Variants in CARMIL1 observed in about 807,000 individuals in gnomAD.
The protein encoded by CARMIL1 is capping protein regulator and myosin 1 linker 1.
A neutral mutation model predicts 177.1 loss-of-function variants in CARMIL1; 90 were observed. That is an observed-to-expected ratio of 0.51 (90% confidence interval 0.43 to 0.61). The LOEUF is 0.61. Ranked by LOEUF, CARMIL1 falls within the 20% of genes least tolerant of loss-of-function variation. The probability of loss-of-function intolerance (pLI) is 0.00; values close to 1 mark genes in which losing one functional copy is unlikely to be tolerated. For synonymous variants in CARMIL1, 577 were observed against 606.2 expected, an observed-to-expected ratio of 0.95 and a Z score of 0.71; for missense variants, 1,380 against 1,667.0, an observed-to-expected ratio of 0.83 and a Z score of 3.00.
rs1254529789 is a variant in CARMIL1, at chr6:25,540,004, C to A, written c.2254C>A (p.Leu752Ile). ...ATCTTGGGCGGGAGCCAGTGGCTTA[C>A]TATCCAGTCCAATTCAGGAGACCCT... is the stretch of plus-strand genomic sequence containing the variant. The part of the protein sequence containing the change: ...GASWAGASGL[L>I]SSPIQETLES... The change falls in exon 26 of 37, where the codon CTA (leucine) becomes ATA (isoleucine). Residue 752 changes from leucine (L) to isoleucine (I), a missense_variant. Transcript: ENST00000329474. 1.2e-6 allele frequency: 2 copies of A among 1,608,062 alleles called. No individual in the cohort carries two copies. Among genetic ancestry groups the A allele is most frequent in the Non-Finnish European group, 1.7e-6 (2 of 1,177,404 alleles).
intron 8 of CARMIL1, among the ~76,000 whole-genome samples, chr6:25,460,450 T>G (rs12525342): frequency 0.15 from 23,264 of 152,158 alleles, 2,146 homozygotes; most frequent in South Asian, 0.25. Context: ...TCCTTGGTCT[T>G]CATGTTTGTT....
In CARMIL1 at chr6:25,491,935, A is replaced by C. The variant is rs376482375; in HGVS notation, c.1144-13A>C. The C allele has an allele frequency of 5.3e-4, 854 of 1,611,120 alleles. No individual in the cohort carries two copies. The highest frequency in any genetic ancestry group is 6.2e-4 in the Non-Finnish European group (729 of 1,177,822). ...AAATACTTGAAAAGAAGAGTGCCTTATTTCTTTTTCAGGTCTGTGGAGCTC... is the reference window on the plus strand; with the variant it reads ...AAATACTTGAAAAGAAGAGTGCCTTCTTTCTTTTTCAGGTCTGTGGAGCTC... On this transcript the variant is annotated splice_polypyrimidine_tract_variant and intron_variant, in intron 14 of 36. Transcript: ENST00000329474.
chr6:25,434,631 C>T (rs1797080664), intron 4 of CARMIL1, among the ~76,000 whole-genome samples: 1 of 149,106 alleles, frequency 6.7e-6, no homozygotes, highest in South Asian at 2.2e-4. Context: ...TCAAGCGAAT[C>T]TCGTGCCTCA....
intron 4 of CARMIL1, among the ~76,000 whole-genome samples, chr6:25,427,348 A>G (rs539804392): frequency 1.3e-5 from 2 of 152,122 alleles, no homozygotes; most frequent in South Asian, 2.1e-4. Flanking sequence ...CCCCAGTTTA[A>G]TTATTTTGAG....
intron 2 of CARMIL1, among the ~76,000 whole-genome samples, chr6:25,356,665 A>G (rs1788653240): frequency 6.6e-6 from 1 of 152,208 alleles, no homozygotes; most frequent in Non-Finnish European, 1.5e-5. Flanking sequence ...TTAGTTCTTA[A>G]TGCCCTCTGG....
chr6:25,290,623 A>G (rs1477328267), intron 2 of CARMIL1, among the ~76,000 whole-genome samples: 1 of 151,684 alleles, frequency 6.6e-6, no homozygotes, highest in Non-Finnish European at 1.5e-5. Flanking sequence ...CTTCTTCCAC[A>G]CCCTTTGTAA....
At chr6:25,311,181 TCAAAA>T (rs1317731508) in intron 2 of CARMIL1, among the ~76,000 whole-genome samples, 5 of 151,986 alleles carry the variant, frequency 3.3e-5, no homozygotes, top group Non-Finnish European at 7.4e-5. Context: ...GACTCTTGTC[TCAAAA>T]CAAAACAAAA....
chr6:25,314,111 T>G (rs1784071882), intron 2 of CARMIL1, among the ~76,000 whole-genome samples: 2 of 149,806 alleles, frequency 1.3e-5, no homozygotes, highest in Non-Finnish European at 3.0e-5. Flanking sequence ...CTTTGGCAAG[T>G]CTTTCTGCCT....
At chr6:25,452,420 T>A (rs922585551) in intron 8 of CARMIL1, 15 of 577,454 alleles carry the variant, frequency 2.6e-5, no homozygotes, top group Non-Finnish European at 4.0e-5. Context: ...GATAGAAGTT[T>A]ACAGTCCTCC....
At chr6:25,513,389 A>G (rs1384744379) in intron 20 of CARMIL1, among the ~76,000 whole-genome samples, 1 of 152,190 alleles carries the variant, frequency 6.6e-6, no homozygotes, top group African/African-American at 2.4e-5. Flanking sequence ...TTTTTGGCCC[A>G]GGTTTTAATT....
intron 2 of CARMIL1, among the ~76,000 whole-genome samples, chr6:25,412,384 C>A (rs573138449): frequency 1.3e-5 from 2 of 152,260 alleles, no homozygotes; most frequent in Non-Finnish European, 2.9e-5. Context: ...GAGTTTGGGA[C>A]CAGCCTGGGA....
Position 25,488,575 on chromosome 6 carries a change from A to G in CARMIL1, c.1055A>G (p.Asp352Gly), listed in dbSNP as rs1291388986. ...CTCTCAGGGAACGTCCTTCGTGGAGATGACCTCTCAGTAAGTTTTCTTTTC... is the reference window on the plus strand; with the variant it reads ...CTCTCAGGGAACGTCCTTCGTGGAGGTGACCTCTCAGTAAGTTTTCTTTTC... ...LDLSGNVLRGDDLSHMYNFLA... is the reference protein window; with the variant it reads ...LDLSGNVLRGGDLSHMYNFLA... The change falls in exon 13 of 37, where the codon GAT (aspartate) becomes GGT (glycine). Residue 352 changes from aspartate (D) to glycine (G), a missense_variant. Physicochemically the swap from Asp to Gly is moderately conservative, Grantham distance 94 (BLOSUM62 -1). Coordinates refer to ENST00000329474, the MANE Select transcript of CARMIL1 (RefSeq NM_017640.6). The G allele has an allele frequency of 6.2e-7, 1 of 1,612,840 alleles. No homozygotes were observed. The highest frequency in any genetic ancestry group is 1.1e-5 in the South Asian group (1 of 91,052).
At chr6:25,586,644 C>G (rs1490853838) in intron 31 of CARMIL1, among the ~76,000 whole-genome samples, 1 of 152,088 alleles carries the variant, frequency 6.6e-6, no homozygotes, top group Non-Finnish European at 1.5e-5. Flanking sequence ...GATCACGCCA[C>G]TGCACTCCAG....
At chr6:25,605,407 A>G (rs548956150) in intron 34 of CARMIL1, among the ~76,000 whole-genome samples, 8 of 152,228 alleles carry the variant, frequency 5.3e-5, no homozygotes, top group Non-Finnish European at 1.0e-4. Context: ...TAATGCGTTA[A>G]CTGTGTGATA....
intron 1 of CARMIL1, among the ~76,000 whole-genome samples, chr6:25,281,129 C>CGCACGCGCGTGTGT (rs1781068477): frequency 3.1e-5 from 1 of 32,710 alleles, no homozygotes; most frequent in East Asian, 2.0e-3. Context: ...CGCGCGTGTG[C>CGCACGCGCGTGTGT]GCGCGCGCAC....
At chr6:25,394,294 C>T (rs74613247) in intron 2 of CARMIL1, among the ~76,000 whole-genome samples, 453 of 152,294 alleles carry the variant, frequency 3.0e-3, no homozygotes, top group Non-Finnish European at 3.7e-3. Flanking sequence ...ACACTATTAA[C>T]TCATTCAGTC....
At chr6:25,541,080 A>C (rs559417593) in intron 26 of CARMIL1, among the ~76,000 whole-genome samples, 12 of 152,200 alleles carry the variant, frequency 7.9e-5, no homozygotes, top group Non-Finnish European at 1.5e-4. Flanking sequence ...ACCTAATAGC[A>C]CTTGTTTTAT....
chr6:25,279,765 C>A lies in CARMIL1; in HGVS notation c.-31C>A. On this transcript the variant is annotated 5_prime_UTR_variant, in exon 1 of 37. In the 5' UTR this introduces an upstream ATG that the reference lacks. Coordinates refer to ENST00000329474, the MANE Select transcript of CARMIL1 (RefSeq NM_017640.6). ...AGGGGGCCATAAATCAGAGTTGGAC[C>A]TGCAATAACCCCCACACCTACAGGG... 2.5e-6 allele frequency: 4 copies of A among 1,612,512 alleles called. No individual in the cohort carries two copies. The highest frequency in any genetic ancestry group is 3.4e-6 in the Non-Finnish European group (4 of 1,178,582).
chr6:25,435,446 G>T (rs1336825816), intron 4 of CARMIL1, 37 bp from the exon 5 acceptor site: 4 of 1,544,694 alleles, frequency 2.6e-6, no homozygotes, highest in Non-Finnish European at 3.5e-6. Flanking sequence ...GAAGGAATTG[G>T]ACTCATTCTT....
Sources: gnomAD v4.1 joint callset for allele counts (sites outside exome capture counted in the v4.1 genomes callset) on GRCh38, gnomAD v4.1.1 for gene constraint, MANE v1.5 for transcripts, NCBI Gene and HGNC (gene_info 2026-07-23, HGNC 2026-07-21) for gene names.